ARHGEF4: variants seen among roughly 807,000 people sequenced by gnomAD.
The protein encoded by ARHGEF4 is Rho guanine nucleotide exchange factor 4, also known as APC-stimulated guanine nucleotide exchange factor 1.
Under a neutral mutation model 162.0 loss-of-function variants are expected in ARHGEF4, and 119 were observed. The ratio of observed to expected loss-of-function variants is 0.73; its 90% CI spans 0.63 to 0.86. The LOEUF is 0.86. Ranked by LOEUF, ARHGEF4 falls within the 40% of genes least tolerant of loss-of-function variation. The pLI, the probability that ARHGEF4 is intolerant of heterozygous loss-of-function variation, is 0.00. For synonymous variants in ARHGEF4, 1,014 were observed against 979.9 expected, an observed-to-expected ratio of 1.03 and a Z score of -0.65; for missense variants, 2,488 against 2,456.0, an observed-to-expected ratio of 1.01 and a Z score of -0.28.
At chr2:130,953,397 A>G (rs1684074478) in intron 4 of ARHGEF4, among the ~76,000 whole-genome samples, 1 of 152,252 alleles carries the variant, frequency 6.6e-6, no homozygotes, top group Non-Finnish European at 1.5e-5. Context: ...ACCTTATACA[A>G]TAATTAATTC....
intron 1 of ARHGEF4, among the ~76,000 whole-genome samples, chr2:130,883,299 G>A (rs890767246): frequency 1.3e-5 from 2 of 152,048 alleles, no homozygotes; most frequent in African/African-American, 2.4e-5. Context: ...TGCTGAGACC[G>A]AGTGTGCTGG....
chr2:131,007,800 CTTTTTT>C (rs70994731), intron 4 of ARHGEF4, among the ~76,000 whole-genome samples: 1 of 55,920 alleles, frequency 1.8e-5, no homozygotes, highest in Non-Finnish European at 3.2e-5. Context: ...CTTTTCTTTT[CTTTTTT>C]TTTTTTTTTT....
At chr2:131,018,734 T>C (rs1190792325) in intron 4 of ARHGEF4, among the ~76,000 whole-genome samples, 1 of 152,246 alleles carries the variant, frequency 6.6e-6, no homozygotes, top group East Asian at 1.9e-4. Context: ...TTAACTTTTA[T>C]ATTTAGGACT....
intron 2 of ARHGEF4, among the ~76,000 whole-genome samples, chr2:130,918,010 C>CG (rs1380722623): frequency 2.0e-5 from 3 of 151,882 alleles, no homozygotes; most frequent in Non-Finnish European, 4.4e-5. Context: ...TTAGTAGAGA[C>CG]GGGGTTTCAC....
In ARHGEF4 at chr2:130,917,470, C is replaced by T. The variant is rs1197652999; in HGVS notation, c.3524C>T (p.Pro1175Leu). ...GQGPRGLGTV[P>L]WLRDLPGSEN... Reference sequence around the variant, plus strand: ...GGTCCGCGCGGCTTGGGCACAGTGCCCTGGCTCAGGGACCTTCCTGGGAGT... The same window carrying T: ...GGTCCGCGCGGCTTGGGCACAGTGCTCTGGCTCAGGGACCTTCCTGGGAGT... The change falls in exon 2 of 14, where the codon CCC (proline) becomes CTC (leucine). Residue 1175 changes from proline to leucine, a missense_variant. By Grantham distance (98) the Pro-to-Leu change is moderately conservative. Coordinates refer to ENST00000409359, the MANE Select transcript of ARHGEF4 (RefSeq NM_001367493.1). The T allele has an allele frequency of 6.5e-7, 1 of 1,550,320 alleles. No individual in the cohort carries two copies. The highest frequency in any genetic ancestry group is 8.7e-7 in the Non-Finnish European group (1 of 1,146,926).
chr2:130,997,063 G>C (rs1049099330), intron 4 of ARHGEF4, among the ~76,000 whole-genome samples: 2 of 152,094 alleles, frequency 1.3e-5, no homozygotes, highest in African/African-American at 4.8e-5. Flanking sequence ...CACTATTGCT[G>C]GTTTATGGCT....
intron 1 of ARHGEF4, among the ~76,000 whole-genome samples, chr2:130,875,726 G>T (rs760380124): frequency 4.6e-5 from 7 of 152,128 alleles, no homozygotes; most frequent in Non-Finnish European, 7.4e-5. Flanking sequence ...AATTCTGAGG[G>T]ACACACTTAA....
In ARHGEF4 at chr2:130,961,963, G is replaced by A. The variant is rs564210587; in HGVS notation, c.3985+15328G>A. Among the ~76,000 whole-genome samples the A allele has an allele frequency of 2.6e-5, 4 of 152,244 alleles. No individual in the cohort carries two copies. In the South Asian group the frequency reaches 6.2e-4, roughly 24 times the overall value. On this transcript the variant is annotated intron_variant, in intron 4 of 13. Coordinates refer to ENST00000409359, the MANE Select transcript of ARHGEF4 (RefSeq NM_001367493.1). ...GGACAAGAAAGACTGGAAGCAGGCCGGGCGCGGTGGCTCATGCCTGTAATC... is the reference window on the plus strand; with the variant it reads ...GGACAAGAAAGACTGGAAGCAGGCCAGGCGCGGTGGCTCATGCCTGTAATC...
At chr2:130,848,077 C>T (rs1354960631) in intron 1 of ARHGEF4, among the ~76,000 whole-genome samples, 1 of 152,214 alleles carries the variant, frequency 6.6e-6, no homozygotes, top group African/African-American at 2.4e-5. Context: ...CATGGGGCCT[C>T]TGCCCAGGTG....
At chr2:130,946,452 T>C in intron 3 of ARHGEF4, 57 bp from the exon 4 acceptor site, 1 of 1,559,178 alleles carries the variant, frequency 6.4e-7, no homozygotes, top group Non-Finnish European at 8.7e-7. Context: ...AGGGTGGCAA[T>C]GACAGCCTGT....
chr2:130,872,372 GA>G (rs1211311041), intron 1 of ARHGEF4, among the ~76,000 whole-genome samples: 3 of 152,142 alleles, frequency 2.0e-5, no homozygotes, highest in Non-Finnish European at 2.9e-5. Context: ...ATGAACGTTT[GA>G]AATTGAGGCT....
Position 131,046,081 on chromosome 2 carries a change from C to G in ARHGEF4, c.5523C>G (p.Ala1841=). 1 of 1,612,946 alleles carries G rather than the reference C, an allele frequency of 6.2e-7. No individual in the cohort carries two copies. Among genetic ancestry groups the G allele is most frequent in the Non-Finnish European group, 8.5e-7 (1 of 1,179,860 alleles). The change falls in exon 14 of 14, where the codon GCC becomes GCG. Residue 1841 remains alanine, a synonymous_variant. Coordinates refer to ENST00000409359, the MANE Select transcript of ARHGEF4 (RefSeq NM_001367493.1). The part of the protein sequence containing the change: ...PCYLTRQKHP[A]LPSNRPQQQV... Reference sequence around the variant, plus strand: ...ACCTGACGCGCCAGAAGCACCCAGCCCTGCCCAGCAACCGGCCCCAGCAGC... The same window carrying G: ...ACCTGACGCGCCAGAAGCACCCAGCGCTGCCCAGCAACCGGCCCCAGCAGC...
intron 1 of ARHGEF4, among the ~76,000 whole-genome samples, chr2:130,902,670 T>A (rs547003536): frequency 2.6e-5 from 4 of 151,988 alleles, no homozygotes; most frequent in Non-Finnish European, 5.9e-5. Context: ...CATGTTGTAG[T>A]TGGTAGCACG....
At chr2:130,866,843 G>A (rs774865042) in intron 1 of ARHGEF4, among the ~76,000 whole-genome samples, 1 of 152,140 alleles carries the variant, frequency 6.6e-6, no homozygotes, top group Non-Finnish European at 1.5e-5. Flanking sequence ...TTTCTTTCTT[G>A]TAATATCCTT....
At chr2:130,839,190 C>T (rs976817289) in intron 1 of ARHGEF4, among the ~76,000 whole-genome samples, 3 of 152,172 alleles carry the variant, frequency 2.0e-5, no homozygotes, top group Admixed American at 1.3e-4. Flanking sequence ...GTAGTTCATA[C>T]TTGTTCCTCT....
intron 5 of ARHGEF4, chr2:131,035,237 T>C (rs1690171187): frequency 8.2e-7 from 1 of 1,224,318 alleles, no homozygotes; most frequent in Non-Finnish European, 1.0e-6. Flanking sequence ...AACGTCGTAC[T>C]GATCTTCCTG....
chr2:131,029,515 C>G (rs1245317786), intron 5 of ARHGEF4, among the ~76,000 whole-genome samples: 1 of 151,552 alleles, frequency 6.6e-6, no homozygotes, highest in Non-Finnish European at 1.5e-5. Context: ...ATGATGCCAC[C>G]TGAAGCAGAA....
chr2:131,009,469 C>A (rs1280803825), intron 4 of ARHGEF4, among the ~76,000 whole-genome samples: 1 of 152,112 alleles, frequency 6.6e-6, no homozygotes, highest in Non-Finnish European at 1.5e-5. Flanking sequence ...GTTTCTGCTT[C>A]ATTCACTCTC....
At chr2:130,841,404 A>G (rs1045677476) in intron 1 of ARHGEF4, among the ~76,000 whole-genome samples, 5 of 147,036 alleles carry the variant, frequency 3.4e-5, no homozygotes, top group African/African-American at 1.0e-4. Flanking sequence ...TTCTATTAAT[A>G]CTACACACAT....
Sources: gnomAD v4.1 joint callset for allele counts (sites outside exome capture counted in the v4.1 genomes callset) on GRCh38, gnomAD v4.1.1 for gene constraint, MANE v1.5 for transcripts, NCBI Gene and HGNC (gene_info 2026-07-23, HGNC 2026-07-21) for gene names.